TMEM232: variants seen among roughly 807,000 people sequenced by gnomAD.
TMEM232 encodes transmembrane protein 232.
In TMEM232, 80 loss-of-function variants were observed where a neutral mutation model predicts 78.8. That is an observed-to-expected ratio of 1.01 (90% CI 0.85 to 1.22). The LOEUF (loss-of-function observed/expected upper bound fraction) is 1.22, where lower values mean the gene tolerates loss of function less well. TMEM232 is among the 50% of genes most tolerant of loss of function. TMEM232 has a pLI of 0.00. For missense variants in TMEM232, 881 were observed against 742.2 expected, an observed-to-expected ratio of 1.19 and a Z score of -2.17; for synonymous variants, 297 against 254.3, an observed-to-expected ratio of 1.17 and a Z score of -1.60.
intron 2 of TMEM232, among the ~76,000 whole-genome samples, chr5:110,662,922 T>C (rs1209829073): frequency 1.3e-5 from 2 of 152,140 alleles, no homozygotes; most frequent in Non-Finnish European, 2.9e-5. Flanking sequence ...GGAAAGATTT[T>C]TTTAACCAAA....
intron 2 of TMEM232, among the ~76,000 whole-genome samples, chr5:110,732,260 C>T (rs1452168366): frequency 6.6e-6 from 1 of 152,198 alleles, no homozygotes; most frequent in South Asian, 2.1e-4. Context: ...CCCATATTTT[C>T]CTGTCTTCTT....
At chr5:110,429,238 C>T (rs907591558) in intron 12 of TMEM232, among the ~76,000 whole-genome samples, 1 of 151,570 alleles carries the variant, frequency 6.6e-6, no homozygotes, top group Non-Finnish European at 1.5e-5. Context: ...TTAACTTAGT[C>T]TGAGAGTGGG....
At chr5:110,701,843 C>T (rs1172513025) in intron 1 of TMEM232, among the ~76,000 whole-genome samples, 1 of 151,988 alleles carries the variant, frequency 6.6e-6, no homozygotes, top group Admixed American at 6.6e-5. Context: ...ATTGTAAAAC[C>T]TATTCCCTGT....
intron 1 of TMEM232, among the ~76,000 whole-genome samples, chr5:110,735,569 G>T (rs1185185796): frequency 1.3e-5 from 2 of 152,090 alleles, no homozygotes; most frequent in Non-Finnish European, 2.9e-5. Context: ...TGATATAAAT[G>T]CTATTGTTTG....
At chr5:110,633,965 C>T (rs910951024) in intron 5 of TMEM232, among the ~76,000 whole-genome samples, 2 of 152,014 alleles carry the variant, frequency 1.3e-5, no homozygotes, top group Non-Finnish European at 1.5e-5. Flanking sequence ...TGCACCTTAC[C>T]TGTAAAGACA....
intron 12 of TMEM232, among the ~76,000 whole-genome samples, chr5:110,435,054 C>G (rs1758271477): frequency 6.6e-6 from 1 of 151,814 alleles, no homozygotes; most frequent in Non-Finnish European, 1.5e-5. Flanking sequence ...CACTCCGATT[C>G]AACTGGAAGT....
intron 10 of TMEM232, among the ~76,000 whole-genome samples, chr5:110,577,983 C>CA (rs1777762012): frequency 6.6e-6 from 1 of 151,772 alleles, no homozygotes; most frequent in Admixed American, 6.6e-5. Context: ...CCCCATGACA[C>CA]AAGTTTACCT....
At chr5:110,396,373 G>C (rs1323609747) in intron 3 of TMEM232, among the ~76,000 whole-genome samples, 2 of 152,066 alleles carry the variant, frequency 1.3e-5, no homozygotes, top group Non-Finnish European at 1.5e-5. Context: ...TACCTATATA[G>C]ATATTCACCT....
chr5:110,696,917 T>G (rs753317251), intron 1 of TMEM232, among the ~76,000 whole-genome samples: 1 of 152,150 alleles, frequency 6.6e-6, no homozygotes, highest in Non-Finnish European at 1.5e-5. Flanking sequence ...AAGCTACCAA[T>G]GAGTTTCTTC....
chr5:110,646,160 TACC>T (rs1787447715), intron 2 of TMEM232, among the ~76,000 whole-genome samples: 1 of 151,738 alleles, frequency 6.6e-6, no homozygotes. Flanking sequence ...ATGTCCATAT[TACC>T]CAAAGAGATC....
At chr5:110,642,193 A>T in intron 3 of TMEM232, 67 bp downstream of exon 3, 1 of 886,212 alleles carries the variant, frequency 1.1e-6, no homozygotes, top group South Asian at 2.0e-5. Context: ...AATATTTTAG[A>T]ATGTGTAATC....
intron 4 of TMEM232, among the ~76,000 whole-genome samples, chr5:110,638,643 A>G (rs1561433371): frequency 6.6e-6 from 1 of 151,806 alleles, no homozygotes; most frequent in Non-Finnish European, 1.5e-5. Flanking sequence ...TTCCACCTGG[A>G]TCTCTCTCTC....
intron 12 of TMEM232, among the ~76,000 whole-genome samples, chr5:110,446,337 C>A (rs1406520254): frequency 6.6e-6 from 1 of 152,102 alleles, no homozygotes; most frequent in Non-Finnish European, 1.5e-5. Context: ...ATGAAATGAT[C>A]AGAATTCTGT....
chr5:110,485,088 A>T (rs992370145), intron 12 of TMEM232, among the ~76,000 whole-genome samples: 1 of 152,166 alleles, frequency 6.6e-6, no homozygotes, highest in Non-Finnish European at 1.5e-5. Flanking sequence ...TTCCTTAAAG[A>T]ACTAAAACTA....
intron 1 of TMEM232, chr5:110,725,637 T>C (rs1325858531): frequency 6.6e-6 from 1 of 152,212 alleles, no homozygotes; most frequent in Non-Finnish European, 1.5e-5. Context: ...AGAATGTTTA[T>C]ACTTTAAAGA....
chr5:110,544,997 G>A (rs1581160990), intron 11 of TMEM232, among the ~76,000 whole-genome samples: 1 of 150,516 alleles, frequency 6.6e-6, no homozygotes, highest in African/African-American at 2.4e-5. Context: ...CTTCCACAAG[G>A]TACTTAACCT....
intron 12 of TMEM232, among the ~76,000 whole-genome samples, chr5:110,444,276 G>T (rs866736506): frequency 6.6e-6 from 1 of 152,004 alleles, no homozygotes; most frequent in South Asian, 2.1e-4. Flanking sequence ...TTTCCCTTTG[G>T]CTAGGGCTGA....
upstream of TMEM232, chr5:110,738,921 C>CAACCGT: frequency 7.2e-7 from 1 of 1,392,168 alleles, no homozygotes; most frequent in Non-Finnish European, 9.4e-7. Flanking sequence ...GTCTCCCTAG[C>CAACCGT]AACCGTGCCC....
At chr5:110,566,480 T>C (rs973316320) in intron 11 of TMEM232, among the ~76,000 whole-genome samples, 1 of 151,964 alleles carries the variant, frequency 6.6e-6, no homozygotes, top group Non-Finnish European at 1.5e-5. Context: ...AGAATTTTTT[T>C]CTGCCAGATG....
Sources: gnomAD v4.1 joint callset for allele counts (sites outside exome capture counted in the v4.1 genomes callset) on GRCh38, gnomAD v4.1.1 for gene constraint, MANE v1.5 for transcripts, NCBI Gene and HGNC (gene_info 2026-07-23, HGNC 2026-07-21) for gene names.